TRAF2: variants seen among roughly 807,000 people sequenced by gnomAD.
TRAF2 encodes TNF receptor associated factor 2.
A neutral mutation model predicts 55.6 loss-of-function variants in TRAF2; 6 were observed. The ratio of observed to expected loss-of-function variants is 0.11; its 90% confidence interval spans 0.06 to 0.21. TRAF2 has a LOEUF of 0.21. Ranked by LOEUF, TRAF2 falls within the 10% of genes least tolerant of loss-of-function variation. The probability of loss-of-function intolerance (pLI) is 1.00; values close to 1 mark genes in which losing one functional copy is unlikely to be tolerated. For synonymous variants in TRAF2, 329 were observed against 276.3 expected, an observed-to-expected ratio of 1.19 and a Z score of -1.89; for missense variants, 561 against 684.5, an observed-to-expected ratio of 0.82 and a Z score of 2.01.
intron 1 of TRAF2, among the ~76,000 whole-genome samples, chr9:136,892,465 A>G (rs1288478975): frequency 1.3e-5 from 2 of 150,412 alleles, no homozygotes; most frequent in East Asian, 2.0e-4. Context: ...CTCCGTCTCA[A>G]AAAAATAAAT....
chr9:136,920,901 C>T (rs775771610), intron 8 of TRAF2, 137 bp from the exon 9 acceptor site: 8 of 1,080,210 alleles, frequency 7.4e-6, no homozygotes, highest in East Asian at 5.2e-5. Flanking sequence ...TTCTTGTGTG[C>T]AGGGAGTGGA....
rs1460496143 is a variant in TRAF2 at position 136,908,127 on chromosome 9, C to T, written c.424C>T (p.Leu142=). 6.2e-7 allele frequency: 1 copy of T among 1,605,770 alleles called. No individual in the cohort carries two copies. The highest frequency in any genetic ancestry group is 2.2e-5 in the East Asian group (1 of 44,902). ...GACCGAATGTCCCGCGTGCAAAGGCCTGGTCCGCCTTGGTGAAAAGGAGCG... is the reference window on the plus strand; with the variant it reads ...GACCGAATGTCCCGCGTGCAAAGGCTTGGTCCGCCTTGGTGAAAAGGAGCG... The part of the protein sequence containing the change: ...MLTECPACKG[L]VRLGEKERHL... The change falls in exon 5 of 11, where the codon CTG becomes TTG. Residue 142 remains leucine, a synonymous_variant. Transcript: ENST00000247668.
intron 4 of TRAF2, among the ~76,000 whole-genome samples, chr9:136,905,646 C>T (rs1849930248): frequency 6.6e-6 from 1 of 152,172 alleles, no homozygotes; most frequent in Non-Finnish European, 1.5e-5. Flanking sequence ...CTTCCTGTTC[C>T]TTTGACTTCC....
chr9:136,900,866 C>T (rs1849805125), intron 4 of TRAF2, among the ~76,000 whole-genome samples: 1 of 152,128 alleles, frequency 6.6e-6, no homozygotes, highest in Non-Finnish European at 1.5e-5. Flanking sequence ...CCTGGGAATG[C>T]CATGGTTATC....
At chr9:136,892,350 G>A (rs917089806) in intron 1 of TRAF2, among the ~76,000 whole-genome samples, 30 of 152,220 alleles carry the variant, frequency 2.0e-4, no homozygotes, top group African/African-American at 7.0e-4. Context: ...TGTAGTCCCA[G>A]CTACTTGGGA....
At chr9:136,890,703 A>G (rs1324386620) in intron 1 of TRAF2, among the ~76,000 whole-genome samples, 1 of 152,262 alleles carries the variant, frequency 6.6e-6, no homozygotes, top group Non-Finnish European at 1.5e-5. Flanking sequence ...AAAATGTTTA[A>G]GGAATCTCTA....
At position 136,925,840 on chromosome 9, in the gene TRAF2, A is replaced by G. The variant is rs1432767773; in HGVS notation, c.1445A>G (p.Asn482Ser). The G allele has an allele frequency of 6.2e-7, 1 of 1,614,246 alleles. No homozygotes were observed. The highest frequency in any genetic ancestry group is 1.1e-5 in the South Asian group (1 of 91,082). Reference sequence around the variant, plus strand: ...CCCGTCTCCAAGATGGAGGCAAAGAATTCCTACGTGCGGGACGATGCCATC... The same window carrying G: ...CCCGTCTCCAAGATGGAGGCAAAGAGTTCCTACGTGCGGGACGATGCCATC... ...FCPVSKMEAK[N>S]SYVRDDAIFI... is the part of the protein sequence containing the mutation. The change falls in exon 11 of 11, where the codon AAT becomes AGT. Residue 482 changes from asparagine (N) to serine (S), a missense_variant. This residue lies in a region of TRAF2 where 135 missense variants were observed against 207.7 expected (regional missense o/e 0.65). Transcript: ENST00000247668.
In TRAF2 at chr9:136,908,238, G is replaced by A. The variant is rs1345198222; in HGVS notation, c.528+7G>A. 6.4e-7 allele frequency: 1 copy of A among 1,566,936 alleles called. No homozygotes were observed. Among genetic ancestry groups the A allele is most frequent in the African/African-American group, 1.4e-5 (1 of 73,912 alleles). ...CTGCGGAGCAGACGTGAAGGTGCGT[G>A]GGGTGGAGCAGCAGCCTGTGTGGCT... On this transcript the variant is annotated splice_region_variant and intron_variant, in intron 5 of 10. Transcript: ENST00000247668.
At chr9:136,904,126 C>T (rs1194120894) in intron 4 of TRAF2, among the ~76,000 whole-genome samples, 1 of 151,966 alleles carries the variant, frequency 6.6e-6, no homozygotes, top group East Asian at 1.9e-4. Context: ...AGCCCTTCAA[C>T]CCCCCACACA....
intron 4 of TRAF2, among the ~76,000 whole-genome samples, chr9:136,907,763 A>C (rs951738540): frequency 1.3e-5 from 2 of 152,022 alleles, no homozygotes; most frequent in Admixed American, 6.6e-5. Flanking sequence ...GGGACTGTGC[A>C]CTTGGCTGTT....
In TRAF2 at chr9:136,887,899, T is replaced by C. The variant is rs975997822; in HGVS notation, c.-29+1358T>C. On this transcript the variant is annotated intron_variant, in intron 1 of 10. Coordinates refer to ENST00000247668, the MANE Select transcript of TRAF2 (RefSeq NM_021138.4). ...ATTTATTTATTTTTTGAGATAGTTT[T>C]GGTCTTGTTGCCCAGGCTGGAGTGC... Among the ~76,000 whole-genome samples the C allele has an allele frequency of 7.2e-5, 11 of 152,246 alleles. No individual in the cohort carries two copies. The South Asian group carries it at 2.1e-3, about 29-fold the overall frequency.
chr9:136,906,743 C>A (rs1042679475), intron 4 of TRAF2, among the ~76,000 whole-genome samples: 10 of 152,248 alleles, frequency 6.6e-5, no homozygotes, highest in African/African-American at 9.6e-5. Context: ...GGGCCAGAGG[C>A]CTGAGAGTCC....
At chr9:136,886,784 C>G (rs1290144971) in intron 1 of TRAF2, 1 of 196,286 alleles carries the variant, frequency 5.1e-6, no homozygotes, top group African/African-American at 2.4e-5. Context: ...ACGCGCGCGG[C>G]CGTGCTCGGA....
rs760893184 is a variant in TRAF2 at position 136,921,059 on chromosome 9, A to C, written c.982A>C (p.Ile328Leu). ...GCAGGTGCAGCAGCTGGAGAGGAGC[A>C]TTGGCCTCAAGGACCTGGCGATGGC... The part of the protein sequence containing the change: ...SSKVQQLERS[I>L]GLKDLAMADL... The change falls in exon 9 of 11, where the codon ATT becomes CTT. Residue 328 changes from isoleucine to leucine, a missense_variant. By Grantham distance (5) the Ile-to-Leu change is conservative. Coordinates refer to ENST00000247668, the MANE Select transcript of TRAF2 (RefSeq NM_021138.4). 6.2e-7 allele frequency: 1 copy of C among 1,613,956 alleles called. No individual in the cohort carries two copies. The highest frequency in any genetic ancestry group is 8.5e-7 in the Non-Finnish European group (1 of 1,179,996).
intron 1 of TRAF2, 197 bp downstream of exon 1, chr9:136,886,738 C>G (rs1429060775): frequency 6.6e-6 from 2 of 305,286 alleles, no homozygotes; most frequent in Non-Finnish European, 9.6e-6. Context: ...GGCCGGAAAC[C>G]AAGTCCGAGC....
intron 4 of TRAF2, chr9:136,902,012 C>CT (rs2131296482): frequency 6.6e-6 from 1 of 152,408 alleles, no homozygotes; most frequent in South Asian, 2.1e-4. Flanking sequence ...ACAAGATGTG[C>CT]TTTCCTCCCT....
At chr9:136,886,465 G>A (rs1163917650), upstream of TRAF2, 10 of 1,006,264 alleles carry the variant, frequency 9.9e-6, no homozygotes, top group South Asian at 4.2e-5. Flanking sequence ...CGCACGCGGC[G>A]GAGCGGCGGC....
In TRAF2 at chr9:136,926,133, T is replaced by C; in HGVS notation, c.*232T>C. The C allele has an allele frequency of 2.8e-6, 2 of 722,854 alleles. No homozygotes were observed. Among genetic ancestry groups the C allele is most frequent in the Non-Finnish European group, 5.0e-6 (2 of 397,350 alleles). 44.8% of individuals were successfully genotyped at this position (722,854 alleles called of 1,614,324 possible). A position where few individuals can be genotyped will look rare whatever the true frequency, so the allele number is the denominator to read the frequency against. On this transcript the variant is annotated 3_prime_UTR_variant, in exon 11 of 11. Coordinates refer to ENST00000247668, the MANE Select transcript of TRAF2 (RefSeq NM_021138.4). Reference sequence around the variant, plus strand: ...TTGGCAGACGGTCTTAGCCAAGGGCTGTGGTGGCATTGGCCGAGGGTCTTC... The same window carrying C: ...TTGGCAGACGGTCTTAGCCAAGGGCCGTGGTGGCATTGGCCGAGGGTCTTC...
intron 6 of TRAF2, 129 bp downstream of exon 6, chr9:136,910,123 T>C: frequency 2.0e-6 from 2 of 1,019,622 alleles, no homozygotes; most frequent in Non-Finnish European, 3.0e-6. Flanking sequence ...AAAGCCCCTG[T>C]AACGTTGGGT....
Sources: allele counts gnomAD v4.1 joint callset (sites outside exome capture counted in the v4.1 genomes callset), GRCh38; gene constraint gnomAD v4.1.1; regional missense constraint gnomAD v4.1.1; transcripts MANE v1.5; gene names NCBI Gene and HGNC (gene_info 2026-07-23, HGNC 2026-07-21).